The following LRRC43 variants were observed in gnomAD, a reference collection of about 807,000 sequenced individuals.
The protein encoded by LRRC43 is leucine rich repeat containing 43.
Under a neutral mutation model 64.3 loss-of-function variants are expected in LRRC43, and 62 were observed. The observed-to-expected ratio is 0.96, with a 90% CI of 0.79 to 1.19. The LOEUF is 1.19. LRRC43 is among the 50% of genes most tolerant of loss of function. The pLI is 0.00. For missense variants in LRRC43, 868 were observed against 845.0 expected (o/e 1.03, Z -0.34); for synonymous variants, 422 against 382.3 (o/e 1.10, Z -1.21).
At chr12:122,182,964 T>C, upstream of LRRC43, 1 of 1,041,018 alleles carries the variant, frequency 9.6e-7, no homozygotes. Context: ...CTGCCGCACT[T>C]AGAACCACCA....
In LRRC43 at chr12:122,200,340, C is replaced by A; in HGVS notation, c.1491+10C>A. Reference sequence around the variant, plus strand: ...CATCGTGGAGGAGAAGGTGGGCAGGCGGAGGCAGTGCCCGGCCATCCACAG... The same window carrying A: ...CATCGTGGAGGAGAAGGTGGGCAGGAGGAGGCAGTGCCCGGCCATCCACAG... On this transcript the variant is annotated intron_variant, in intron 8 of 11. Transcript: ENST00000339777. This position sits in a 1 kb window ranked among gnomAD's most constrained non-coding sequence, Gnocchi z 4.6. The A allele has an allele frequency of 1.2e-6, 2 of 1,609,220 alleles. No individual in the cohort carries two copies. The highest frequency in any genetic ancestry group is 1.3e-5 in the African/African-American group (1 of 74,956).
In LRRC43 at chr12:122,183,254, A is replaced by G; in HGVS notation, c.110A>G (p.Lys37Arg). The G allele has an allele frequency of 6.4e-7, 1 of 1,567,020 alleles. No individual in the cohort carries two copies. Among genetic ancestry groups the G allele is most frequent in the East Asian group, 2.5e-5 (1 of 40,786 alleles). Reference sequence around the variant, plus strand: ...GCGGCCGTGCGCGAGCACTTGCGGAAGCTGTGTCTGCGCGAGTTCCCGTGC... The same window carrying G: ...GCGGCCGTGCGCGAGCACTTGCGGAGGCTGTGTCTGCGCGAGTTCCCGTGC... ...VSAAVREHLR[K>R]LCLREFPCGA... The change falls in exon 1 of 12, where the codon AAG becomes AGG. Residue 37 changes from lysine (K) to arginine (R), a missense_variant. By Grantham distance (26) the Lys-to-Arg change is conservative. Coordinates refer to ENST00000339777, the MANE Select transcript of LRRC43 (RefSeq NM_001098519.2).
chr12:122,197,142 A>T (rs1192533919), intron 7 of LRRC43, among the ~76,000 whole-genome samples: 1 of 152,088 alleles, frequency 6.6e-6, no homozygotes, highest in African/African-American at 2.4e-5. Flanking sequence ...CCCAAGTATC[A>T]TTATCCCCTA....
At chr12:122,177,655 C>A (rs1243101391) in intron 1 of LRRC43, among the ~76,000 whole-genome samples, 2 of 151,928 alleles carry the variant, frequency 1.3e-5, no homozygotes, top group African/African-American at 4.8e-5. Context: ...TAGGCCTGCA[C>A]CACCATGCCT....
rs374854598 is a variant in LRRC43, at chr12:122,200,341, G to A, written c.1491+11G>A. Reference sequence around the variant, plus strand: ...ATCGTGGAGGAGAAGGTGGGCAGGCGGAGGCAGTGCCCGGCCATCCACAGG... The same window carrying A: ...ATCGTGGAGGAGAAGGTGGGCAGGCAGAGGCAGTGCCCGGCCATCCACAGG... On this transcript the variant is annotated intron_variant, in intron 8 of 11. Coordinates refer to ENST00000339777, the MANE Select transcript of LRRC43 (RefSeq NM_001098519.2). The surrounding 1 kb of genome is among the most constrained non-coding windows in gnomAD (Gnocchi z 4.6). 27 of 1,609,532 alleles carry A rather than the reference G, an allele frequency of 1.7e-5. No individual in the cohort carries two copies. The highest frequency in any genetic ancestry group is 9.9e-5 in the South Asian group (9 of 91,010).
chr12:122,199,835 C>T (rs1195873404), intron 7 of LRRC43, among the ~76,000 whole-genome samples: 8 of 152,190 alleles, frequency 5.3e-5, no homozygotes, highest in East Asian at 1.9e-4. Flanking sequence ...CCTCCTGTCT[C>T]GGCTTCCCAA....
intron 5 of LRRC43, among the ~76,000 whole-genome samples, chr12:122,190,997 T>C (rs1316541161): frequency 3.3e-5 from 5 of 152,016 alleles, no homozygotes; most frequent in Non-Finnish European, 7.4e-5. Flanking sequence ...AAACAACCTG[T>C]GGGGACTTGG....
chr12:122,184,648 C>G lies in LRRC43; in HGVS notation c.280C>G (p.Pro94Ala), dbSNP rs992326617. 1.2e-6 allele frequency: 2 copies of G among 1,613,976 alleles called. No homozygotes were observed. The highest frequency in any genetic ancestry group is 1.7e-5 in the Admixed American group (1 of 60,012). ...LLGLVRSRHS[P>A]WALLNNSNAE... ...GGGCCTGGTCCGCAGCCGCCACTCC[C>G]CCTGGGCTCTGCTGAACAACTCGAA... Residue 94 changes from proline to alanine, a missense_variant, in exon 2 of 12, where the codon CCC becomes GCC. Physicochemically the swap from Pro to Ala is conservative, Grantham distance 27. Transcript: ENST00000339777. The surrounding 1 kb of genome is among the most constrained non-coding windows in gnomAD (Gnocchi z 4.0).
chr12:122,183,172 G>T lies in LRRC43; in HGVS notation c.28G>T (p.Glu10Ter), dbSNP rs750939213. 16 of 1,554,808 alleles carry T rather than the reference G, an allele frequency of 1.0e-5. No individual in the cohort carries two copies. Among genetic ancestry groups the T allele is most frequent in the South Asian group, 5.8e-5 (5 of 85,630 alleles). ...GGAGGCGTCGTACGAGTCCGAGTCCGAGTCCGAGTCTGAGGCCGGGCCTGG... is the reference window on the plus strand; with the variant it reads ...GGAGGCGTCGTACGAGTCCGAGTCCTAGTCCGAGTCTGAGGCCGGGCCTGG... Reference protein sequence around the residue: MEASYESESESESEAGPGTQ... With the variant: MEASYESES Residue 10 changes from glutamate (E) to a stop codon, truncating the protein, a stop_gained, in exon 1 of 12, where the codon GAG (glutamate) becomes TAG (stop). Coordinates refer to ENST00000339777, the MANE Select transcript of LRRC43 (RefSeq NM_001098519.2). LOFTEE classifies it high-confidence loss of function.
chr12:122,200,673 G>C lies in LRRC43; in HGVS notation c.1620+13G>C. The stretch of plus-strand genomic sequence containing the variant: ...AGAGCCGGCCAAGGTACCGGGCCTT[G>C]GTGCTGGGGAGGGCAGCCTGGCCAC... On this transcript the variant is annotated intron_variant, in intron 9 of 11. Transcript: ENST00000339777. This position sits in a 1 kb window ranked among gnomAD's most constrained non-coding sequence, Gnocchi z 4.6. 1 of 1,613,666 alleles carries C rather than the reference G, an allele frequency of 6.2e-7. No individual in the cohort carries two copies. The highest frequency in any genetic ancestry group is 8.5e-7 in the Non-Finnish European group (1 of 1,179,892).
Position 122,191,509 on chromosome 12 carries a change from A to G in LRRC43, c.1031A>G (p.Tyr344Cys), listed in dbSNP as rs185427201. 3.2e-3 allele frequency: 5,209 copies of G among 1,614,120 alleles called. 13 individuals are homozygous for G. The highest frequency in any genetic ancestry group is 4.1e-3 in the Non-Finnish European group (4,828 of 1,180,014). ...ATCACTTACAACTATTACGTGACCTATGATTTTGTGAAAGATGAAGAAGGC... is the reference window on the plus strand; with the variant it reads ...ATCACTTACAACTATTACGTGACCTGTGATTTTGTGAAAGATGAAGAAGGC... ...PFITYNYYVT[Y>C]DFVKDEEGEM... The change falls in exon 6 of 12, where the codon TAT (tyrosine) becomes TGT (cysteine). Residue 344 changes from tyrosine to cysteine, a missense_variant. Tyr to Cys is a radical substitution (Grantham distance 194). Transcript: ENST00000339777.
intron 4 of LRRC43, among the ~76,000 whole-genome samples, chr12:122,188,541 A>C (rs1385767134): frequency 6.7e-6 from 1 of 148,268 alleles, no homozygotes; most frequent in Non-Finnish European, 1.5e-5. Flanking sequence ...CCCAGGGTCA[A>C]GCAATTCTCC....
At chr12:122,198,623 C>CTTTTTTTTT (rs1012460173) in intron 7 of LRRC43, among the ~76,000 whole-genome samples, 11 of 100,496 alleles carry the variant, frequency 1.1e-4, no homozygotes, top group African/African-American at 4.2e-4. Flanking sequence ...TGCTTCATTC[C>CTTTTTTTTT]TTTTTTTTTT....
chr12:122,198,714 C>T (rs909574958), intron 7 of LRRC43, among the ~76,000 whole-genome samples: 7 of 149,320 alleles, frequency 4.7e-5, no homozygotes, highest in Non-Finnish European at 8.9e-5. Context: ...ACTGCAACCT[C>T]CACCTCCCAG....
intron 7 of LRRC43, among the ~76,000 whole-genome samples, chr12:122,195,640 A>G (rs1953766958): frequency 6.6e-6 from 1 of 152,104 alleles, no homozygotes; most frequent in African/African-American, 2.4e-5. Flanking sequence ...TTTGTCTGTC[A>G]TGAGTCATTT....
chr12:122,196,277 A>C (rs914257895), intron 7 of LRRC43, among the ~76,000 whole-genome samples: 3 of 152,232 alleles, frequency 2.0e-5, no homozygotes, highest in Admixed American at 1.3e-4. Flanking sequence ...TTTGCAGTCT[A>C]ATAGATTTAT....
At chr12:122,190,588 C>T (rs1566009998) in intron 5 of LRRC43, among the ~76,000 whole-genome samples, 2 of 152,150 alleles carry the variant, frequency 1.3e-5, no homozygotes, top group South Asian at 4.1e-4. Flanking sequence ...GGAGGCCGGG[C>T]GCGGTGGCTA....
Position 122,184,842 on chromosome 12 carries a change from G to C in LRRC43, c.411+63G>C. 1.3e-6 allele frequency: 2 copies of C among 1,530,032 alleles called. No homozygotes were observed. 94.8% of individuals were successfully genotyped at this position (1,530,032 alleles called of 1,614,324 possible). A position where few individuals can be genotyped will look rare whatever the true frequency, so the allele number is the denominator to read the frequency against. ...CCGCTCCCCTAAGGGAGGTTGTGGGGAGGGCACCCTTCCCCACAGCGCGTC... is the reference window on the plus strand; with the variant it reads ...CCGCTCCCCTAAGGGAGGTTGTGGGCAGGGCACCCTTCCCCACAGCGCGTC... On this transcript the variant is annotated intron_variant, in intron 2 of 11. Coordinates refer to ENST00000339777, the MANE Select transcript of LRRC43 (RefSeq NM_001098519.2). This position sits in a 1 kb window ranked among gnomAD's most constrained non-coding sequence, Gnocchi z 4.0.
At chr12:122,174,166 A>C in intron 1 of LRRC43, 1 of 1,614,154 alleles carries the variant, frequency 6.2e-7, no homozygotes, top group Admixed American at 1.7e-5. Flanking sequence ...CCTGAGTGAG[A>C]GGCCATGGCG....
Sources: allele counts gnomAD v4.1 joint callset (sites outside exome capture counted in the v4.1 genomes callset), GRCh38; gene constraint gnomAD v4.1.1; non-coding constraint Gnocchi (gnomAD v3.1); transcripts MANE v1.5; gene names NCBI Gene and HGNC (gene_info 2026-07-23, HGNC 2026-07-21).